BEAN1: variants seen among roughly 807,000 people sequenced by gnomAD.
BEAN1 encodes the protein protein BEAN1.
A neutral mutation model predicts 17.7 loss-of-function variants in BEAN1; 17 were observed. That is an observed-to-expected ratio of 0.96 (90% CI 0.66 to 1.44). BEAN1 has a LOEUF of 1.44. Ranked by LOEUF, BEAN1 falls within the 40% of genes most tolerant of loss-of-function variation. The pLI is 0.00. For missense variants in BEAN1, 359 were observed against 374.1 expected, an observed-to-expected ratio of 0.96 and a Z score of 0.33; for synonymous variants, 142 against 151.8, an observed-to-expected ratio of 0.94 and a Z score of 0.47.
chr16:66,485,089 G>C (rs1279877123), downstream of BEAN1: 1 of 454,042 alleles, frequency 2.2e-6, no homozygotes, highest in African/African-American at 2.0e-5. Flanking sequence ...GCATCGCCCA[G>C]AAGAGGGCGG....
intron 2 of BEAN1, among the ~76,000 whole-genome samples, chr16:66,467,401 C>T (rs1350178854): frequency 6.6e-6 from 1 of 152,102 alleles, no homozygotes; most frequent in Non-Finnish European, 1.5e-5. Context: ...CACCTCTTCA[C>T]GGGGCAGTAG....
At chr16:66,438,812 C>G (rs1043485762) in intron 2 of BEAN1, among the ~76,000 whole-genome samples, 2 of 152,154 alleles carry the variant, frequency 1.3e-5, no homozygotes, top group Admixed American at 6.5e-5. Context: ...GAGCCCCCCC[C>G]AAACCACCAC....
downstream of BEAN1, chr16:66,486,093 G>C (rs1964084929): frequency 6.6e-6 from 1 of 151,876 alleles, no homozygotes; most frequent in Non-Finnish European, 1.5e-5. Context: ...TACTTTGGTT[G>C]GTTCATAATC....
intron 2 of BEAN1, among the ~76,000 whole-genome samples, chr16:66,458,331 T>A (rs1284051390): frequency 6.6e-6 from 1 of 152,144 alleles, no homozygotes; most frequent in Non-Finnish European, 1.5e-5. Context: ...TCCCTGCCCT[T>A]AATGTTCCCC....
At chr16:66,475,686 G>A (rs1352408443) in intron 3 of BEAN1, 1 of 152,208 alleles carries the variant, frequency 6.6e-6, no homozygotes, top group African/African-American at 2.4e-5. Context: ...GCCCTGAACA[G>A]GAGAAACAAA....
At position 66,448,480 on chromosome 16, in the gene BEAN1, A is replaced by C. The variant is rs1045461627; in HGVS notation, c.25+10779A>C. Among the ~76,000 whole-genome samples, 3 of 152,202 alleles carry C rather than the reference A, an allele frequency of 2.0e-5. 1 individual carries two copies. The highest frequency in any genetic ancestry group is 7.2e-5 in the African/African-American group (3 of 41,436). On this transcript the variant is annotated intron_variant, in intron 2 of 4. Coordinates refer to ENST00000536005, the MANE Select transcript of BEAN1 (RefSeq NM_001178020.3). ...TAGCATACATACAGAAAGGTGCACC[A>C]ACCATCAGTGCAAGCTCAAGGAATG...
chr16:66,476,780 A>G (rs1963765575), intron 3 of BEAN1, among the ~76,000 whole-genome samples: 1 of 152,204 alleles, frequency 6.6e-6, no homozygotes, highest in Non-Finnish European at 1.5e-5. Context: ...TACTAGGTCT[A>G]AGAAAGGAAG....
rs1963996310 is a variant in BEAN1 at position 66,481,826 on chromosome 16, TC to T, written c.*904del. On this transcript the variant is annotated 3_prime_UTR_variant, in exon 5 of 5. Transcript: ENST00000536005. The surrounding 1 kb of genome is among the most constrained non-coding windows in gnomAD (Gnocchi z 4.1). ...CTCTCTGAGGCAGAGAAGTGGCCCC[TC>T]CCTCAGTCCCTGCCTGGCCGACCAC... 6.6e-6 allele frequency: 1 copy of T among 152,358 alleles called. No homozygotes were observed. Among genetic ancestry groups the T allele is most frequent in the South Asian group, 2.1e-4 (1 of 4,820 alleles). The allele number at this position is 152,358 out of a possible 1,614,324, so 9.4% of individuals were successfully genotyped here.
downstream of BEAN1, chr16:66,484,536 T>G (rs768219307): frequency 1.9e-4 from 86 of 452,558 alleles, no homozygotes; most frequent in Middle Eastern, 4.2e-3. The surrounding 1 kb of genome is among the most constrained non-coding windows in gnomAD (Gnocchi z 4.2). Context: ...CCCAGGTACC[T>G]GGGCTCATCA....
intron 2 of BEAN1, among the ~76,000 whole-genome samples, chr16:66,469,049 C>T (rs1244425350): frequency 6.6e-6 from 1 of 152,184 alleles, no homozygotes; most frequent in African/African-American, 2.4e-5. Context: ...TCCAAGATCA[C>T]CTTGGCCTTA....
intron 4 of BEAN1, among the ~76,000 whole-genome samples, chr16:66,478,589 G>A (rs150359688): frequency 0.065 from 9,894 of 152,160 alleles, 1,065 homozygotes; most frequent in African/African-American, 0.22. Context: ...GCGACAGAGT[G>A]AGACTTCGTC....
rs552048813 is a variant in BEAN1, at chr16:66,455,946, C to T, written c.26-13656C>T. On this transcript the variant is annotated intron_variant, in intron 2 of 4. Transcript: ENST00000536005. ...AAGCAATCCGCCCACCTCAGGCTCC[C>T]GATGTGCCGGGATTACAGGTGTGAG... Among the ~76,000 whole-genome samples the T allele has an allele frequency of 4.6e-5, 7 of 152,324 alleles. No individual in the cohort carries two copies. The East Asian group carries it at 5.8e-4, about 13-fold the overall frequency.
At chr16:66,429,046 C>G (rs1474486859) in intron 1 of BEAN1, among the ~76,000 whole-genome samples, 1 of 152,092 alleles carries the variant, frequency 6.6e-6, no homozygotes, top group Non-Finnish European at 1.5e-5. Flanking sequence ...GGGCACCCAC[C>G]CATTGCTCGA....
rs1273777219 is a variant in BEAN1 at position 66,482,223 on chromosome 16, G to C, written c.*1298G>C. 6.5e-6 allele frequency: 1 copy of C among 153,208 alleles called. No homozygotes were observed. Among genetic ancestry groups the C allele is most frequent in the African/African-American group, 2.4e-5 (1 of 41,444 alleles). 9.5% of individuals were successfully genotyped at this position (153,208 alleles called of 1,614,324 possible). ...CCAAGCATCTCTGAGCAGTGTCCCT[G>C]CTAGCATCGCCAGCGGCCATCACTC... On this transcript the variant is annotated 3_prime_UTR_variant, in exon 5 of 5. Coordinates refer to ENST00000536005, the MANE Select transcript of BEAN1 (RefSeq NM_001178020.3).
At position 66,469,595 on chromosome 16, in the gene BEAN1, T is replaced by C; in HGVS notation, c.26-7T>C. 6.5e-7 allele frequency: 1 copy of C among 1,534,838 alleles called. No homozygotes were observed. The highest frequency in any genetic ancestry group is 8.7e-7 in the Non-Finnish European group (1 of 1,146,022). On this transcript the variant is annotated splice_region_variant and splice_polypyrimidine_tract_variant and intron_variant, in intron 2 of 4. Transcript: ENST00000536005. ...TCCAGCTCAGTGTCCTCTCTCTCTG[T>C]CCACAGTAGCACGATACAACCGCAC...
chr16:66,475,850 C>G (rs2142452332), intron 3 of BEAN1: 1 of 152,310 alleles, frequency 6.6e-6, no homozygotes, highest in South Asian at 2.1e-4. Flanking sequence ...GTGGCTCACG[C>G]CTGTAATCCC....
intron 3 of BEAN1, among the ~76,000 whole-genome samples, chr16:66,472,928 G>A (rs1228709048): frequency 6.6e-6 from 1 of 151,320 alleles, no homozygotes; most frequent in African/African-American, 2.4e-5. Flanking sequence ...AGGCTGAGTC[G>A]GGAGGGTCCC....
intron 4 of BEAN1, among the ~76,000 whole-genome samples, chr16:66,478,509 G>C (rs1316303123): frequency 6.6e-6 from 1 of 152,234 alleles, no homozygotes; most frequent in African/African-American, 2.4e-5. Context: ...GGCTGAGGCA[G>C]GAGAATCGCT....
intron 4 of BEAN1, among the ~76,000 whole-genome samples, chr16:66,492,197 ACACCTG>A (rs1215341249): frequency 2.0e-5 from 3 of 151,990 alleles, no homozygotes; most frequent in East Asian, 3.9e-4. Context: ...GTCCACCAAC[ACACCTG>A]GCTAATTTTT....
Sources: allele counts gnomAD v4.1 joint callset (sites outside exome capture counted in the v4.1 genomes callset), GRCh38; gene constraint gnomAD v4.1.1; non-coding constraint Gnocchi (gnomAD v3.1); transcripts MANE v1.5; gene names NCBI Gene and HGNC (gene_info 2026-07-23, HGNC 2026-07-21).